The following CTNND2 variants were observed in gnomAD, a reference collection of about 807,000 sequenced individuals.
CTNND2 encodes catenin delta 2.
CTNND2 carries 22 observed loss-of-function variants against 144.4 expected under a neutral mutation model. That is an observed-to-expected ratio of 0.15 (90% CI 0.11 to 0.22). The LOEUF (loss-of-function observed/expected upper bound fraction) is 0.22. Ranked by LOEUF, CTNND2 falls within the 10% of genes least tolerant of loss-of-function variation. The pLI, the probability that CTNND2 is intolerant of heterozygous loss-of-function variation, is 1.00. For synonymous variants in CTNND2, 751 were observed against 695.6 expected, an observed-to-expected ratio of 1.08 and a Z score of -1.25; for missense variants, 1,353 against 1,618.8, an observed-to-expected ratio of 0.84 and a Z score of 2.82.
intron 10 of CTNND2, among the ~76,000 whole-genome samples, chr5:11,211,558 T>C (rs917772222): frequency 6.6e-6 from 1 of 152,178 alleles, no homozygotes; most frequent in Non-Finnish European, 1.5e-5. Context: ...GTGACTACGA[T>C]TTGGGGCCTT....
chr5:11,273,949 A>G (rs1332550020), intron 9 of CTNND2, among the ~76,000 whole-genome samples: 1 of 152,184 alleles, frequency 6.6e-6, no homozygotes, highest in Non-Finnish European at 1.5e-5. Context: ...GAATGAATAT[A>G]TAGATTTCCT....
At chr5:11,352,866 C>A (rs1476272228) in intron 8 of CTNND2, among the ~76,000 whole-genome samples, 1 of 151,928 alleles carries the variant, frequency 6.6e-6, no homozygotes, top group East Asian at 1.9e-4. Flanking sequence ...GTTTCTAGAA[C>A]TTGGTATAAA....
At chr5:11,572,701 G>T (rs763896013) in intron 2 of CTNND2, among the ~76,000 whole-genome samples, 2 of 152,094 alleles carry the variant, frequency 1.3e-5, no homozygotes, top group Admixed American at 6.5e-5. Flanking sequence ...GCCCGCTACA[G>T]TCCCCATGCT....
intron 3 of CTNND2, among the ~76,000 whole-genome samples, chr5:11,540,595 C>T (rs1016656087): frequency 3.9e-5 from 6 of 152,158 alleles, no homozygotes; most frequent in African/African-American, 9.7e-5. Context: ...TGGTTCACTG[C>T]TACCTCTGCC....
intron 1 of CTNND2, among the ~76,000 whole-genome samples, chr5:11,897,759 T>A (rs978547910): frequency 2.6e-5 from 4 of 152,190 alleles, no homozygotes; most frequent in African/African-American, 9.7e-5. Flanking sequence ...CAAAATACCA[T>A]GAAATATTTA....
intron 1 of CTNND2, among the ~76,000 whole-genome samples, chr5:11,873,472 C>T (rs890867332): frequency 1.3e-5 from 2 of 152,164 alleles, no homozygotes; most frequent in Non-Finnish European, 2.9e-5. Context: ...TTGCCACCAG[C>T]CCCTTTATAT....
rs897841321 is a variant in CTNND2, at chr5:11,773,733, C to T, written c.38-41461G>A. On this transcript the variant is annotated intron_variant, in intron 1 of 21. Coordinates refer to ENST00000304623, the MANE Select transcript of CTNND2 (RefSeq NM_001332.4). ...GGCTGAGGCAGAAGAATCGCTTGAA[C>T]CCGGGAGGCGGAGGTTGCAGTGAGC... Among the ~76,000 whole-genome samples, 5 of 150,096 alleles carry T rather than the reference C, an allele frequency of 3.3e-5. No homozygotes were observed. In the East Asian group the frequency reaches 7.9e-4, roughly 24 times the overall value.
chr5:11,627,784 T>C (rs1781230946), intron 2 of CTNND2, among the ~76,000 whole-genome samples: 1 of 150,714 alleles, frequency 6.6e-6, no homozygotes, highest in African/African-American at 2.4e-5. Context: ...CATCACAATG[T>C]ACAATCAGTG....
At chr5:11,873,268 G>C (rs1432385986) in intron 1 of CTNND2, among the ~76,000 whole-genome samples, 1 of 152,160 alleles carries the variant, frequency 6.6e-6, no homozygotes, top group Non-Finnish European at 1.5e-5. Flanking sequence ...TTATGCACAA[G>C]AATTTAAAAT....
At chr5:11,754,198 T>G (rs1403229476) in intron 1 of CTNND2, among the ~76,000 whole-genome samples, 1 of 151,802 alleles carries the variant, frequency 6.6e-6, no homozygotes, top group African/African-American at 2.4e-5. Context: ...TTTGGTTATG[T>G]CTTATCTTCT....
At chr5:11,753,291 C>T (rs1040888792) in intron 1 of CTNND2, among the ~76,000 whole-genome samples, 1 of 151,726 alleles carries the variant, frequency 6.6e-6, no homozygotes, top group Non-Finnish European at 1.5e-5. Flanking sequence ...TACCTGTTCA[C>T]TATGATATGG....
At chr5:11,806,490 G>A (rs1287053496) in intron 1 of CTNND2, among the ~76,000 whole-genome samples, 1 of 152,068 alleles carries the variant, frequency 6.6e-6, no homozygotes, top group Non-Finnish European at 1.5e-5. Context: ...CATTTAATAA[G>A]GTAGAATATA....
chr5:11,558,341 CGTGTGTGTGT>C (rs59741742), intron 3 of CTNND2, among the ~76,000 whole-genome samples: 179 of 132,220 alleles, frequency 1.4e-3, no homozygotes, highest in African/African-American at 4.1e-3. Context: ...GTGAGAAACA[CGTGTGTGTGT>C]GTGTGTGTGT....
At chr5:11,240,288 C>CA (rs1561074639) in intron 9 of CTNND2, among the ~76,000 whole-genome samples, 3 of 118,978 alleles carry the variant, frequency 2.5e-5, no homozygotes, top group Non-Finnish European at 1.7e-5. Context: ...CACACACACT[C>CA]AAACACACAC....
intron 1 of CTNND2, among the ~76,000 whole-genome samples, chr5:11,875,389 G>T (rs1179230338): frequency 6.6e-6 from 1 of 151,984 alleles, no homozygotes. Context: ...TCATACCCTG[G>T]GAAAGAAAAC....
At chr5:11,029,252 TTTGA>T (rs1266185832) in intron 16 of CTNND2, among the ~76,000 whole-genome samples, 10 of 152,220 alleles carry the variant, frequency 6.6e-5, no homozygotes, top group Admixed American at 2.0e-4. Flanking sequence ...AATCTCTGTC[TTTGA>T]TTGGAGAGTT....
intron 1 of CTNND2, among the ~76,000 whole-genome samples, chr5:11,751,566 G>C (rs1253312731): frequency 6.6e-6 from 1 of 151,782 alleles, no homozygotes; most frequent in Non-Finnish European, 1.5e-5. Context: ...ACGTGATCTT[G>C]TGCTTTTTAA....
intron 8 of CTNND2, among the ~76,000 whole-genome samples, chr5:11,357,768 T>G (rs1024356531): frequency 1.3e-5 from 2 of 152,278 alleles, no homozygotes; most frequent in East Asian, 3.9e-4. Flanking sequence ...GTATACAGCA[T>G]ACACATGTAT....
At chr5:11,503,141 A>C (rs1313847755) in intron 3 of CTNND2, among the ~76,000 whole-genome samples, 1 of 152,154 alleles carries the variant, frequency 6.6e-6, no homozygotes. Context: ...TGCCCTTTCC[A>C]CATCTTCAGA....
Sources: allele counts gnomAD v4.1 joint callset (sites outside exome capture counted in the v4.1 genomes callset), GRCh38; gene constraint gnomAD v4.1.1; transcripts MANE v1.5; gene names NCBI Gene and HGNC (gene_info 2026-07-23, HGNC 2026-07-21).